The following ECHDC2 variants were observed in gnomAD, a reference collection of about 807,000 sequenced individuals.
The protein encoded by ECHDC2 is enoyl-CoA hydratase domain-containing protein 2, mitochondrial.
Under a neutral mutation model 40.6 loss-of-function variants are expected in ECHDC2, and 34 were observed. That is an observed-to-expected ratio of 0.84 (90% CI 0.64 to 1.11). The LOEUF (loss-of-function observed/expected upper bound fraction) is 1.11, where lower values mean the gene tolerates loss of function less well. ECHDC2 is among the 50% of genes most tolerant of loss of function. ECHDC2 has a pLI of 0.00. For synonymous variants in ECHDC2, 162 were observed against 166.6 expected, an observed-to-expected ratio of 0.97 and a Z score of 0.21; for missense variants, 392 against 400.7, an observed-to-expected ratio of 0.98 and a Z score of 0.19.
At position 52,906,312 on chromosome 1, in the gene ECHDC2, C is replaced by A. The variant is rs1176166414; in HGVS notation, c.457+207G>T. ...CCAAAATGAAGGAAGCAGGTTCTGACAGGTCACAGATACTACAGCAGCTAA... is the reference window on the plus strand; with the variant it reads ...CCAAAATGAAGGAAGCAGGTTCTGAAAGGTCACAGATACTACAGCAGCTAA... On this transcript the variant is annotated intron_variant, in intron 5 of 9. Coordinates refer to ENST00000371522, the MANE Select transcript of ECHDC2 (RefSeq NM_001198961.2). 3 of 666,760 alleles carry A rather than the reference C, an allele frequency of 4.5e-6. No homozygotes were observed. In the African/African-American group the frequency reaches 5.3e-5, roughly 12 times the overall value. 41.3% of individuals were successfully genotyped at this position (666,760 alleles called of 1,614,324 possible).
rs531811383 is a variant in ECHDC2, at chr1:52,900,093, A to AAAAG, written c.703-873_703-870dup. The stretch of plus-strand genomic sequence containing the variant: ...ATAAAGTAACTTTTAAACCATTTAC[A>AAAAG]AAAGAGTATGTAAAAGGTCCACCGG... On this transcript the variant is annotated intron_variant, in intron 7 of 9. Coordinates refer to ENST00000371522, the MANE Select transcript of ECHDC2 (RefSeq NM_001198961.2). 48 of 152,294 alleles carry AAAAG rather than the reference A, an allele frequency of 3.2e-4. No homozygotes were observed. The East Asian group carries it at 8.7e-3, about 28-fold the overall frequency. 9.4% of individuals were successfully genotyped at this position (152,294 alleles called of 1,614,324 possible). A position where few individuals can be genotyped will look rare whatever the true frequency, so the allele number is the denominator to read the frequency against.
chr1:52,921,134 C>T (rs1307544012), intron 1 of ECHDC2, among the ~76,000 whole-genome samples: 1 of 152,242 alleles, frequency 6.6e-6, no homozygotes, highest in Non-Finnish European at 1.5e-5. Context: ...GAGGCACCCT[C>T]CTCACTCTGC....
intron 1 of ECHDC2, 120 bp downstream of exon 1, chr1:52,921,433 T>TG (rs1354424464): frequency 2.1e-6 from 3 of 1,437,764 alleles, no homozygotes; most frequent in Non-Finnish European, 2.7e-6. Context: ...CGCCTAGAAC[T>TG]GGGAGGGAGG....
At chr1:52,915,867 G>C (rs749568929) in intron 1 of ECHDC2, among the ~76,000 whole-genome samples, 72 of 152,138 alleles carry the variant, frequency 4.7e-4, no homozygotes, top group Admixed American at 1.4e-3. Context: ...TATATAAAAG[G>C]CTCTGTCTTA....
chr1:52,898,659 T>C (rs1197205411), intron 8 of ECHDC2: 2 of 173,248 alleles, frequency 1.2e-5, no homozygotes, highest in African/African-American at 4.8e-5. Context: ...TGACCATGTT[T>C]AACTCATCCA....
intron 7 of ECHDC2, among the ~76,000 whole-genome samples, chr1:52,902,510 G>A (rs1310288388): frequency 6.6e-6 from 1 of 151,848 alleles, no homozygotes; most frequent in Admixed American, 6.6e-5. Context: ...GCCTGGTCTA[G>A]AACCCCTGGT....
chr1:52,919,328 G>A (rs934250549), intron 1 of ECHDC2, among the ~76,000 whole-genome samples: 49 of 152,110 alleles, frequency 3.2e-4, no homozygotes, highest in African/African-American at 1.2e-3. Flanking sequence ...CTTTTAGACT[G>A]TATTTTTACT....
chr1:52,897,167 G>A (rs1354471463), intron 9 of ECHDC2: 6 of 534,886 alleles, frequency 1.1e-5, no homozygotes, highest in African/African-American at 7.6e-5. Flanking sequence ...CAAAAGATGT[G>A]GTTCTTCCTC....
intron 1 of ECHDC2, chr1:52,917,560 G>A (rs1453232885): frequency 2.2e-6 from 1 of 455,988 alleles, no homozygotes; most frequent in Non-Finnish European, 4.4e-6. Context: ...ATGAGCCCAT[G>A]GGTAGAGGAG....
chr1:52,915,085 G>T, intron 1 of ECHDC2: 1 of 383,126 alleles, frequency 2.6e-6, no homozygotes, highest in Admixed American at 3.0e-5. Flanking sequence ...CCGCCATCTA[G>T]TCAGGGTGTG....
intron 7 of ECHDC2, among the ~76,000 whole-genome samples, chr1:52,904,200 C>A (rs951842274): frequency 6.6e-6 from 1 of 152,220 alleles, no homozygotes; most frequent in South Asian, 2.1e-4. Context: ...TAGAATCTTG[C>A]TTTTTCAGTC....
chr1:52,915,686 C>T (rs988866098), intron 1 of ECHDC2, among the ~76,000 whole-genome samples: 1 of 152,168 alleles, frequency 6.6e-6, no homozygotes, highest in Non-Finnish European at 1.5e-5. Flanking sequence ...ATCCAAGGTC[C>T]CCAGAGTGGC....
intron 7 of ECHDC2, among the ~76,000 whole-genome samples, chr1:52,904,259 C>T (rs190758227): frequency 9.8e-4 from 150 of 152,296 alleles, no homozygotes; most frequent in Middle Eastern, 3.4e-3. Context: ...CCACAAGCCA[C>T]ATGTGGCTAT....
intron 9 of ECHDC2, chr1:52,897,168 G>C: frequency 1.9e-6 from 1 of 536,108 alleles, no homozygotes. Context: ...AAAAGATGTG[G>C]TTCTTCCTCT....
chr1:52,912,773 C>T (rs6663518), intron 1 of ECHDC2: 6,814 of 152,154 alleles, frequency 0.045, 539 homozygotes, highest in African/African-American at 0.16. Context: ...CCACAACCTC[C>T]GCCTCCCAGG....
chr1:52,913,893 A>G (rs1161213878), intron 1 of ECHDC2: 7 of 1,130,074 alleles, frequency 6.2e-6, no homozygotes, highest in Non-Finnish European at 6.6e-6. Flanking sequence ...CCTTCCTCCT[A>G]CCTTTCAGGT....
chr1:52,917,694 T>C (rs534853561), intron 1 of ECHDC2: 18 of 455,260 alleles, frequency 4.0e-5, no homozygotes, highest in African/African-American at 3.6e-4. Flanking sequence ...ACAGACCACA[T>C]ATAAGACATA....
In ECHDC2 at chr1:52,919,274, C is replaced by T. The variant is rs1651393226; in HGVS notation, c.121+2279G>A. Among the ~76,000 whole-genome samples, 3 of 152,172 alleles carry T rather than the reference C, an allele frequency of 2.0e-5. No individual in the cohort carries two copies. In the South Asian group the frequency reaches 6.2e-4, roughly 31 times the overall value. On this transcript the variant is annotated intron_variant, in intron 1 of 9. Coordinates refer to ENST00000371522, the MANE Select transcript of ECHDC2 (RefSeq NM_001198961.2). ...AGTGCAGCTTCCAGTCCTGCAAGCTCCATTTATGGTAACTGCCCAGTACAG... is the reference window on the plus strand; with the variant it reads ...AGTGCAGCTTCCAGTCCTGCAAGCTTCATTTATGGTAACTGCCCAGTACAG...
chr1:52,899,439 G>A (rs1646849586), intron 7 of ECHDC2: 1 of 584,376 alleles, frequency 1.7e-6, no homozygotes, highest in Non-Finnish European at 3.1e-6. Context: ...TGAACACCTG[G>A]GTTTCTTGTT....
Sources: gnomAD v4.1 joint callset for allele counts (sites outside exome capture counted in the v4.1 genomes callset) on GRCh38, gnomAD v4.1.1 for gene constraint, MANE v1.5 for transcripts, NCBI Gene and HGNC (gene_info 2026-07-23, HGNC 2026-07-21) for gene names.